Variants in PAFAH1B1 observed in about 807,000 individuals in gnomAD.
The protein encoded by PAFAH1B1 is platelet activating factor acetylhydrolase 1b regulatory subunit 1.
PAFAH1B1 carries 2 observed loss-of-function variants against 57.5 expected under a neutral mutation model. The observed-to-expected ratio is 0.03, with a 90% CI of 0.01 to 0.11. The LOEUF (loss-of-function observed/expected upper bound fraction) is 0.11, where lower values mean the gene tolerates loss of function less well. Among genes scored for constraint, PAFAH1B1 ranks in the 10% least tolerant of loss-of-function variants. The probability of loss-of-function intolerance (pLI) is 1.00; values close to 1 mark genes in which losing one functional copy is unlikely to be tolerated. For missense variants in PAFAH1B1, 257 were observed against 512.0 expected, an observed-to-expected ratio of 0.50 and a Z score of 4.81; for synonymous variants, 152 against 169.6, an observed-to-expected ratio of 0.90 and a Z score of 0.81.
chr17:2,619,792 C>G (rs914444018), intron 1 of PAFAH1B1, among the ~76,000 whole-genome samples: 1 of 152,062 alleles, frequency 6.6e-6, no homozygotes, highest in Non-Finnish European at 1.5e-5. Context: ...TCAAACTTTT[C>G]TTTTAATGGC....
At chr17:2,646,054 T>G (rs2068764116) in intron 2 of PAFAH1B1, among the ~76,000 whole-genome samples, 1 of 152,012 alleles carries the variant, frequency 6.6e-6, no homozygotes, top group Non-Finnish European at 1.5e-5. Context: ...CAATGAATCT[T>G]TATAAAAATG....
chr17:2,647,540 A>G (rs1208775537), intron 2 of PAFAH1B1, among the ~76,000 whole-genome samples: 1 of 152,130 alleles, frequency 6.6e-6, no homozygotes, highest in Non-Finnish European at 1.5e-5. Context: ...CTGTCTCAAA[A>G]AGGAAAACAA....
At chr17:2,598,220 G>A (rs932291829) in intron 1 of PAFAH1B1, among the ~76,000 whole-genome samples, 1 of 152,110 alleles carries the variant, frequency 6.6e-6, no homozygotes. Context: ...TTACGCTCCA[G>A]CCTGGGCAAC....
At chr17:2,642,851 C>G (rs939896692) in intron 2 of PAFAH1B1, among the ~76,000 whole-genome samples, 1 of 152,050 alleles carries the variant, frequency 6.6e-6, no homozygotes, top group African/African-American at 2.4e-5. Context: ...TTTTCATCCT[C>G]CCCCTCACTC....
Position 2,667,062 on chromosome 17 carries a change from A to G in PAFAH1B1, c.263A>G (p.Lys88Arg). The G allele has an allele frequency of 6.2e-7, 1 of 1,614,010 alleles. No individual in the cohort carries two copies. Among genetic ancestry groups the G allele is most frequent in the Non-Finnish European group, 8.5e-7 (1 of 1,179,886 alleles). The change falls in exon 5 of 11, where the codon AAA becomes AGA. Residue 88 changes from lysine to arginine, a missense_variant. By Grantham distance (26) the Lys-to-Arg change is conservative (BLOSUM62 2). Coordinates refer to ENST00000397195, the MANE Select transcript of PAFAH1B1 (RefSeq NM_000430.4). Reference sequence around the variant, plus strand: ...ACGTCAGGTGGACCTCTTGGTCAGAAACGAGACCCAAAAGAATGGATTCCC... The same window carrying G: ...ACGTCAGGTGGACCTCTTGGTCAGAGACGAGACCCAAAAGAATGGATTCCC... ...EFTSGGPLGQ[K>R]RDPKEWIPRP...
At chr17:2,618,503 T>C (rs1260342857) in intron 1 of PAFAH1B1, among the ~76,000 whole-genome samples, 1 of 152,164 alleles carries the variant, frequency 6.6e-6, no homozygotes, top group African/African-American at 2.4e-5. Flanking sequence ...TGTCCTTCTA[T>C]GTAATCTCAT....
chr17:2,611,413 A>G (rs991893782), intron 1 of PAFAH1B1, among the ~76,000 whole-genome samples: 3 of 152,024 alleles, frequency 2.0e-5, no homozygotes, highest in Non-Finnish European at 2.9e-5. Context: ...GGTTGCAGTG[A>G]ACCGAGATCA....
chr17:2,678,567 A>G (rs1191038415), intron 9 of PAFAH1B1, among the ~76,000 whole-genome samples: 1 of 151,826 alleles, frequency 6.6e-6, no homozygotes, highest in Non-Finnish European at 1.5e-5. Flanking sequence ...CTCTGTCTCC[A>G]GGAAAAAAAA....
Position 2,596,170 on chromosome 17 carries a change from C to CTG in PAFAH1B1, c.-191+2178_-191+2179dup, listed in dbSNP as rs751461237. 4.1e-3 allele frequency among the ~76,000 whole-genome samples: 623 copies of CTG among 151,462 alleles called. 2 individuals carry two copies. Among genetic ancestry groups the CTG allele is most frequent in the East Asian group, 6.0e-3 (31 of 5,156 alleles). ...ACACTTATTGTCTCCTTATTTGTCC[C>CTG]TGTGTGTGTGTGTGTATATATTAAT... On this transcript the variant is annotated intron_variant, in intron 1 of 10. Transcript: ENST00000397195.
intron 1 of PAFAH1B1, chr17:2,613,841 T>C (rs1001199288): frequency 2.0e-5 from 5 of 254,194 alleles, no homozygotes; most frequent in Non-Finnish European, 2.3e-5. Flanking sequence ...CAGGAATCCG[T>C]AGCCTGGGAT....
At chr17:2,637,360 G>A (rs1384310539) in intron 1 of PAFAH1B1, among the ~76,000 whole-genome samples, 1 of 152,100 alleles carries the variant, frequency 6.6e-6, no homozygotes, top group Non-Finnish European at 1.5e-5. Context: ...ACTGAGGCAG[G>A]AGGATCCCAT....
intron 1 of PAFAH1B1, among the ~76,000 whole-genome samples, chr17:2,607,588 G>A (rs1403654815): frequency 6.6e-6 from 1 of 151,582 alleles, no homozygotes; most frequent in African/African-American, 2.4e-5. Flanking sequence ...AGGTTCAAGC[G>A]ATTGTCTGCC....
intron 9 of PAFAH1B1, among the ~76,000 whole-genome samples, chr17:2,678,057 G>T (rs2069299961): frequency 6.6e-6 from 1 of 151,630 alleles, no homozygotes; most frequent in Non-Finnish European, 1.5e-5. Flanking sequence ...AGGAGTTCAG[G>T]ACCAGCCTGG....
chr17:2,595,441 G>A (rs1209599650), intron 1 of PAFAH1B1, among the ~76,000 whole-genome samples: 1 of 77,412 alleles, frequency 1.3e-5, no homozygotes, highest in Non-Finnish European at 2.9e-5. Context: ...TTTTTTTGCT[G>A]CAGCAGGGCG....
chr17:2,601,657 G>A (rs2068145508), intron 1 of PAFAH1B1, among the ~76,000 whole-genome samples: 1 of 152,112 alleles, frequency 6.6e-6, no homozygotes, highest in African/African-American at 2.4e-5. Context: ...GGTCAGGCAG[G>A]CCTTGAACTC....
intron 1 of PAFAH1B1, among the ~76,000 whole-genome samples, chr17:2,610,603 T>C (rs1242359392): frequency 6.6e-6 from 1 of 152,154 alleles, no homozygotes; most frequent in African/African-American, 2.4e-5. Context: ...ACACATAAAA[T>C]ACACTAACGA....
chr17:2,600,146 A>AT (rs1419839361), intron 1 of PAFAH1B1, among the ~76,000 whole-genome samples: 1 of 151,752 alleles, frequency 6.6e-6, no homozygotes, highest in African/African-American at 2.4e-5. Context: ...CAGACAGCTA[A>AT]TTTTTGTATT....
intron 1 of PAFAH1B1, among the ~76,000 whole-genome samples, chr17:2,595,308 G>A (rs2068072874): frequency 6.6e-6 from 1 of 152,130 alleles, no homozygotes; most frequent in Non-Finnish European, 1.5e-5. Flanking sequence ...TTTGTTGGGG[G>A]GGTGGGTTAT....
At chr17:2,655,183 A>ATGTGTG (rs34493806) in intron 2 of PAFAH1B1, among the ~76,000 whole-genome samples, 2,025 of 143,902 alleles carry the variant, frequency 0.014, 40 homozygotes, top group African/African-American at 0.044. Context: ...ATATACATAT[A>ATGTGTG]TGTGTGTGTG....
Sources: gnomAD v4.1 joint callset for allele counts (sites outside exome capture counted in the v4.1 genomes callset) on GRCh38, gnomAD v4.1.1 for gene constraint, MANE v1.5 for transcripts, NCBI Gene and HGNC (gene_info 2026-07-23, HGNC 2026-07-21) for gene names.